GSG1L: variants seen among roughly 807,000 people sequenced by gnomAD.
GSG1L encodes the protein germ cell-specific gene 1-like protein.
Under a neutral mutation model 42.1 loss-of-function variants are expected in GSG1L, and 24 were observed. That is an observed-to-expected ratio of 0.57 (90% CI 0.41 to 0.80). The LOEUF is 0.80. Among genes scored for constraint, GSG1L ranks in the 30% least tolerant of loss-of-function variants. The pLI, the probability that GSG1L is intolerant of heterozygous loss-of-function variation, is 0.00. For missense variants in GSG1L, 445 were observed against 472.2 expected (o/e 0.94, Z 0.53); for synonymous variants, 215 against 203.5 (o/e 1.06, Z -0.48).
chr16:28,028,416 T>C (rs185009524), intron 1 of GSG1L, among the ~76,000 whole-genome samples: 30 of 152,154 alleles, frequency 2.0e-4, no homozygotes, highest in African/African-American at 7.2e-4. Flanking sequence ...AAAGCCGGGA[T>C]TGGAACCTAG....
At chr16:28,013,109 AGT>A (rs1191523089) in intron 1 of GSG1L, among the ~76,000 whole-genome samples, 2 of 151,630 alleles carry the variant, frequency 1.3e-5, no homozygotes, top group Non-Finnish European at 2.9e-5. Flanking sequence ...CTGTAATCCC[AGT>A]TACTTGGGAG....
intron 2 of GSG1L, among the ~76,000 whole-genome samples, chr16:27,917,840 C>T (rs1201093536): frequency 6.6e-6 from 1 of 152,138 alleles, no homozygotes; most frequent in Non-Finnish European, 1.5e-5. Context: ...AGGACTCGGT[C>T]CTTTTCTAAC....
chr16:27,896,786 C>A (rs1336915037), intron 2 of GSG1L, among the ~76,000 whole-genome samples: 2 of 152,326 alleles, frequency 1.3e-5, no homozygotes, highest in East Asian at 1.9e-4. Context: ...CTCTAGAAGA[C>A]AGAAAGGGCA....
chr16:27,863,395 AACCCAGC>A (rs1596564911), intron 3 of GSG1L: 1 of 152,308 alleles, frequency 6.6e-6, no homozygotes, highest in East Asian at 1.9e-4. Context: ...CAAAACTGTT[AACCCAGC>A]TTTATTTGGT....
intron 2 of GSG1L, among the ~76,000 whole-genome samples, chr16:27,900,088 A>G (rs1027467090): frequency 6.6e-6 from 1 of 152,148 alleles, no homozygotes; most frequent in African/African-American, 2.4e-5. Flanking sequence ...CTTCCTCCTC[A>G]ATCTCACCTG....
At chr16:28,006,652 G>A (rs1004104376) in intron 1 of GSG1L, among the ~76,000 whole-genome samples, 17 of 152,076 alleles carry the variant, frequency 1.1e-4, no homozygotes, top group African/African-American at 2.7e-4. Flanking sequence ...CCTGGATTCC[G>A]GCCTGCAGAA....
At chr16:27,831,178 G>A (rs943526344) in intron 4 of GSG1L, among the ~76,000 whole-genome samples, 1 of 152,172 alleles carries the variant, frequency 6.6e-6, no homozygotes, top group African/African-American at 2.4e-5. Context: ...GGTGGGATTT[G>A]AGCCAGGAGT....
At chr16:27,964,562 A>G (rs1032510145) in intron 1 of GSG1L, among the ~76,000 whole-genome samples, 2 of 152,274 alleles carry the variant, frequency 1.3e-5, no homozygotes, top group Admixed American at 1.3e-4. Flanking sequence ...AATGTGCTAC[A>G]TATACACAAT....
chr16:27,893,302 C>T (rs2084151055), intron 2 of GSG1L, among the ~76,000 whole-genome samples: 1 of 152,148 alleles, frequency 6.6e-6, no homozygotes, highest in Admixed American at 6.5e-5. Flanking sequence ...TTCCCATTTG[C>T]CTTGGATCCC....
intron 3 of GSG1L, chr16:27,863,431 T>C (rs1465043684): frequency 6.6e-6 from 1 of 152,230 alleles, no homozygotes; most frequent in African/African-American, 2.4e-5. Context: ...TTCAGGTATA[T>C]CTTTTCCCAT....
chr16:27,985,162 C>T (rs190419611), intron 1 of GSG1L, among the ~76,000 whole-genome samples: 30 of 152,214 alleles, frequency 2.0e-4, no homozygotes, highest in East Asian at 1.7e-3. Flanking sequence ...AGGAGACTTC[C>T]TGTGCCCCTG....
chr16:28,041,768 G>A (rs564428579), intron 1 of GSG1L, among the ~76,000 whole-genome samples: 5 of 152,316 alleles, frequency 3.3e-5, no homozygotes, highest in South Asian at 4.1e-4. Context: ...TAGCACCAGC[G>A]TCACTGCTGG....
intron 3 of GSG1L, among the ~76,000 whole-genome samples, chr16:27,866,933 G>A (rs2083734180): frequency 6.6e-6 from 1 of 152,088 alleles, no homozygotes; most frequent in Non-Finnish European, 1.5e-5. Flanking sequence ...GGTGATGAAT[G>A]CAGCTCACGC....
chr16:28,062,945 A>C, intron 1 of GSG1L, 131 bp downstream of exon 1: 4 of 1,173,140 alleles, frequency 3.4e-6, no homozygotes, highest in Non-Finnish European at 4.2e-6. Flanking sequence ...CGTCGCCCCT[A>C]GCCAGGCGGA....
chr16:27,799,313 T>A (rs549768874), intron 6 of GSG1L, among the ~76,000 whole-genome samples: 1 of 151,792 alleles, frequency 6.6e-6, no homozygotes, highest in South Asian at 2.1e-4. Context: ...GCAGGATTAT[T>A]ACTTGAGGCC....
intron 1 of GSG1L, among the ~76,000 whole-genome samples, chr16:28,026,670 A>G (rs942009636): frequency 6.6e-6 from 1 of 152,194 alleles, no homozygotes; most frequent in Non-Finnish European, 1.5e-5. Flanking sequence ...AGGAACAGCC[A>G]CTGTCTGAGG....
In GSG1L at chr16:27,977,915, T is replaced by C. The variant is rs1281452135; in HGVS notation, c.350-14712A>G. ...CTTCCTAGACCTTGTGGCATCACCTTATGGGGCAGCTGGATTTTGCAGCAT... is the reference window on the plus strand; with the variant it reads ...CTTCCTAGACCTTGTGGCATCACCTCATGGGGCAGCTGGATTTTGCAGCAT... On this transcript the variant is annotated intron_variant, in intron 1 of 6. Transcript: ENST00000447459. Among the ~76,000 whole-genome samples the C allele has an allele frequency of 3.3e-5, 5 of 152,214 alleles. No homozygotes were observed. The East Asian group carries it at 9.6e-4, about 29-fold the overall frequency.
At chr16:27,813,971 C>T (rs534945362) in intron 5 of GSG1L, among the ~76,000 whole-genome samples, 4 of 152,096 alleles carry the variant, frequency 2.6e-5, no homozygotes, top group Admixed American at 6.5e-5. Context: ...ACAACAGTAA[C>T]GACCGCTGCC....
chr16:27,920,041 G>C (rs1406498166), intron 2 of GSG1L, among the ~76,000 whole-genome samples: 1 of 152,246 alleles, frequency 6.6e-6, no homozygotes, highest in Admixed American at 6.5e-5. Context: ...CTTGTGGCTC[G>C]GTCAGAATGT....
Sources: allele counts gnomAD v4.1 joint callset (sites outside exome capture counted in the v4.1 genomes callset), GRCh38; gene constraint gnomAD v4.1.1; transcripts MANE v1.5; gene names NCBI Gene and HGNC (gene_info 2026-07-23, HGNC 2026-07-21).